Variants in DLEU7 observed in about 807,000 individuals in gnomAD.
DLEU7 encodes deleted in lymphocytic leukemia 7.
DLEU7 carries 17 observed loss-of-function variants against 16.0 expected under a neutral mutation model. The observed-to-expected ratio is 1.06, with a 90% CI of 0.73 to 1.59. The LOEUF (loss-of-function observed/expected upper bound fraction) is 1.59. DLEU7 is among the 40% of genes most tolerant of loss of function. The pLI is 0.00. For missense variants in DLEU7, 308 were observed against 314.9 expected, an observed-to-expected ratio of 0.98 and a Z score of 0.17; for synonymous variants, 113 against 139.8, an observed-to-expected ratio of 0.81 and a Z score of 1.35.
chr13:50,769,805 T>A (rs1395936397), intron 1 of DLEU7, among the ~76,000 whole-genome samples: 1 of 152,220 alleles, frequency 6.6e-6, no homozygotes, highest in Non-Finnish European at 1.5e-5. Context: ...TAAAGTAGTT[T>A]TTTCCAATTC....
chr13:50,776,934 G>T (rs868294492), intron 1 of DLEU7, among the ~76,000 whole-genome samples: 5 of 152,098 alleles, frequency 3.3e-5, no homozygotes, highest in African/African-American at 9.7e-5. Flanking sequence ...TGTTTTTTAA[G>T]CTGAACATTT....
chr13:50,782,042 CATCT>C (rs1285490462), intron 1 of DLEU7, among the ~76,000 whole-genome samples: 3 of 152,262 alleles, frequency 2.0e-5, no homozygotes, highest in Admixed American at 2.0e-4. Flanking sequence ...AAAAGCATTT[CATCT>C]ATCTCTTTCC....
chr13:50,760,646 G>A lies in DLEU7; in HGVS notation c.460-47406C>T, dbSNP rs190966095. On this transcript the variant is annotated intron_variant, in intron 1 of 1. Transcript: ENST00000400393. Reference sequence around the variant, plus strand: ...CCAAGTGTTGGGATTACAGGCGTGAGCCACTGTGCCTGGCCCAATTTTCTA... The same window carrying A: ...CCAAGTGTTGGGATTACAGGCGTGAACCACTGTGCCTGGCCCAATTTTCTA... Among the ~76,000 whole-genome samples the A allele has an allele frequency of 2.0e-4, 30 of 152,342 alleles. No homozygotes were observed. In the East Asian group the frequency reaches 3.5e-3, roughly 18 times the overall value.
intron 1 of DLEU7, among the ~76,000 whole-genome samples, chr13:50,747,374 C>CTGTG (rs1874432749): frequency 7.1e-6 from 1 of 141,362 alleles, no homozygotes; most frequent in Admixed American, 7.0e-5. Context: ...GTGTGTGTGA[C>CTGTG]AGAGAGGGAG....
rs554495929 is a variant in DLEU7 at position 50,728,790 on chromosome 13, G to T, written c.460-15550C>A. Among the ~76,000 whole-genome samples the T allele has an allele frequency of 3.3e-5, 5 of 152,010 alleles. No homozygotes were observed. In the East Asian group the frequency reaches 9.7e-4, roughly 29 times the overall value. On this transcript the variant is annotated intron_variant, in intron 1 of 1. Transcript: ENST00000400393. Reference sequence around the variant, plus strand: ...TTGACTTTTTTTTTCTTTACAAATAGCACACATTTCTCTCAAATGCTAAGC... The same window carrying T: ...TTGACTTTTTTTTTCTTTACAAATATCACACATTTCTCTCAAATGCTAAGC...
At chr13:50,781,307 T>C (rs1406563157) in intron 1 of DLEU7, among the ~76,000 whole-genome samples, 1 of 152,124 alleles carries the variant, frequency 6.6e-6, no homozygotes, top group Non-Finnish European at 1.5e-5. Flanking sequence ...CACACAAAAA[T>C]AGCGAAGCAC....
chr13:50,792,522 C>T (rs1593397575), intron 1 of DLEU7, among the ~76,000 whole-genome samples: 1 of 152,186 alleles, frequency 6.6e-6, no homozygotes, highest in African/African-American at 2.4e-5. Flanking sequence ...TGGAAAGAGA[C>T]AGCAGTCCTA....
At chr13:50,812,582 G>A (rs1277037595) in intron 1 of DLEU7, among the ~76,000 whole-genome samples, 1 of 152,092 alleles carries the variant, frequency 6.6e-6, no homozygotes, top group Non-Finnish European at 1.5e-5. Context: ...ATGCATCTGA[G>A]GTGTAGCACA....
intron 1 of DLEU7, among the ~76,000 whole-genome samples, chr13:50,810,570 T>A (rs1346073838): frequency 6.6e-6 from 1 of 152,132 alleles, no homozygotes; most frequent in East Asian, 1.9e-4. Context: ...TATCAGTAAG[T>A]GGCCCTGGTC....
At chr13:50,842,069 G>GACA (rs1877681964) in intron 1 of DLEU7, among the ~76,000 whole-genome samples, 1 of 152,120 alleles carries the variant, frequency 6.6e-6, no homozygotes, top group South Asian at 2.1e-4. Context: ...TAATACACAG[G>GACA]ACAACCCCCG....
intron 1 of DLEU7, among the ~76,000 whole-genome samples, chr13:50,812,780 G>T (rs1465103011): frequency 6.6e-6 from 1 of 151,816 alleles, no homozygotes; most frequent in Non-Finnish European, 1.5e-5. Flanking sequence ...ACATATGTAT[G>T]TATATGTATA....
intron 1 of DLEU7, among the ~76,000 whole-genome samples, chr13:50,802,019 A>AGGT (rs1876262841): frequency 6.6e-6 from 1 of 150,730 alleles, no homozygotes; most frequent in African/African-American, 2.5e-5. Flanking sequence ...GTGCCACTAA[A>AGGT]GGTGGGCTGT....
intron 1 of DLEU7, among the ~76,000 whole-genome samples, chr13:50,793,790 A>G (rs987402698): frequency 2.6e-5 from 4 of 152,138 alleles, no homozygotes; most frequent in African/African-American, 9.7e-5. Context: ...ATTTTCTCCC[A>G]TTCTGTAGGG....
intron 1 of DLEU7, among the ~76,000 whole-genome samples, chr13:50,728,590 A>G (rs1873830082): frequency 6.6e-6 from 1 of 152,082 alleles, no homozygotes; most frequent in African/African-American, 2.4e-5. Flanking sequence ...CTAAATCTCC[A>G]TGGGGAAGGG....
intron 1 of DLEU7, among the ~76,000 whole-genome samples, chr13:50,793,441 A>G (rs973339537): frequency 6.6e-6 from 1 of 152,214 alleles, no homozygotes; most frequent in African/African-American, 2.4e-5. Flanking sequence ...TGCTCTCCAC[A>G]GTGGCCGAAC....
At chr13:50,755,187 A>G (rs1164927860) in intron 1 of DLEU7, among the ~76,000 whole-genome samples, 1 of 152,170 alleles carries the variant, frequency 6.6e-6, no homozygotes. Context: ...TCTTTTTGTG[A>G]TGAATTTCCC....
intron 1 of DLEU7, among the ~76,000 whole-genome samples, chr13:50,759,202 C>G (rs186962905): frequency 6.7e-6 from 1 of 148,702 alleles, no homozygotes; most frequent in African/African-American, 2.4e-5. Context: ...CATTTTAAGC[C>G]TAGTCTATCA....
chr13:50,795,995 T>C (rs567744176), intron 1 of DLEU7, among the ~76,000 whole-genome samples: 1 of 152,298 alleles, frequency 6.6e-6, no homozygotes, highest in South Asian at 2.1e-4. Context: ...GCAAAAGTTA[T>C]ACAATTGTGA....
rs1321167765 is a variant in DLEU7, at chr13:50,843,637, G to A, written c.10C>T (p.Pro4Ser). MAS[P>S]APLVASISHQ... is the part of the protein sequence containing the mutation. ...CTGATGGAGGCCACTAAGGGCGCAG[G>A]GCTGGCCATCGCCTCCGCTGGCGGC... Residue 4 changes from proline (P) to serine (S), a missense_variant, in exon 1 of 2, where the codon CCT (proline) becomes TCT (serine). Transcript: ENST00000504404. This position sits in a 1 kb window ranked among gnomAD's most constrained non-coding sequence, Gnocchi z 5.7. 4.6e-6 allele frequency: 7 copies of A among 1,509,208 alleles called. No individual in the cohort carries two copies. The highest frequency in any genetic ancestry group is 1.4e-5 in the African/African-American group (1 of 69,916). 93.5% of individuals were successfully genotyped at this position (1,509,208 alleles called of 1,614,324 possible). A position where few individuals can be genotyped will look rare whatever the true frequency, so the allele number is the denominator to read the frequency against.
Sources: allele counts gnomAD v4.1 joint callset (sites outside exome capture counted in the v4.1 genomes callset), GRCh38; gene constraint gnomAD v4.1.1; non-coding constraint Gnocchi (gnomAD v3.1); transcripts MANE v1.5; gene names NCBI Gene and HGNC (gene_info 2026-07-23, HGNC 2026-07-21).